The following CFAP47 variants were observed in gnomAD, a reference collection of about 807,000 sequenced individuals.
The protein encoded by CFAP47 is cilia- and flagella-associated protein 47.
Under a neutral mutation model 148.1 loss-of-function variants are expected in CFAP47, and 29 were observed. The ratio of observed to expected loss-of-function variants is 0.20; its 90% CI spans 0.15 to 0.27. The LOEUF is 0.27. Ranked by LOEUF, CFAP47 falls within the 10% of genes least tolerant of loss-of-function variation. The pLI is 1.00. For synonymous variants in CFAP47, 664 were observed against 577.3 expected (o/e 1.15, Z -2.15); for missense variants, 1,872 against 1,697.5 (o/e 1.10, Z -1.81).
intron 6 of CFAP47, 73 bp from the exon 7 acceptor site, chrX:35,953,519 G>C: frequency 1.3e-6 from 1 of 772,107 alleles, no homozygotes; most frequent in Non-Finnish European, 1.8e-6. Flanking sequence ...AGATTGGATT[G>C]ATATTTCCTC....
chrX:35,971,117 T>C, intron 11 of CFAP47, among the ~76,000 whole-genome samples, 194 bp downstream of exon 11: 1 of 112,319 alleles, frequency 8.9e-6, no homozygotes, highest in Non-Finnish European at 1.9e-5. Context: ...TTGTCTTAGA[T>C]GGGTTTCCCC....
rs6632464 is a variant in CFAP47 at position 36,039,144 on chromosome X, A to G, written c.3972A>G (p.Val1324=). 101,063 of 1,082,278 alleles carry G rather than the reference A, an allele frequency of 0.093. 5,785 individuals carry two copies. Among genetic ancestry groups the G allele is most frequent in the African/African-American group, 0.32 (17,148 of 52,891 alleles). The allele number at this position is 1,082,278 out of a possible 1,213,427, so 89.2% of individuals were successfully genotyped here. ...FTPVPLDITT[V]MDINILPQNY... is the part of the protein sequence containing the mutation. ...CTGTTCCTTTGGATATAACAACTGT[A>G]ATGGATATCAACATTTTACCTCAAA... The change falls in exon 25 of 64, where the codon GTA becomes GTG. Residue 1324 remains valine (V), a synonymous_variant. Coordinates refer to ENST00000378653, the MANE Select transcript of CFAP47 (RefSeq NM_001304548.2).
At chrX:36,202,967 A>C (rs1602044980) in intron 44 of CFAP47, among the ~76,000 whole-genome samples, 1 of 111,280 alleles carries the variant, frequency 9.0e-6, no homozygotes, top group Non-Finnish European at 1.9e-5. Context: ...TTTCTTTCTT[A>C]AGATTTATCT....
chrX:36,091,482 G>T (rs955017411), intron 30 of CFAP47, among the ~76,000 whole-genome samples: 1 of 111,607 alleles, frequency 9.0e-6, no homozygotes, highest in Non-Finnish European at 1.9e-5. Flanking sequence ...TAGGCTGTCG[G>T]TTGGCTAATC....
At chrX:36,060,783 C>T (rs1937587617) in intron 26 of CFAP47, among the ~76,000 whole-genome samples, 1 of 111,318 alleles carries the variant, frequency 9.0e-6, no homozygotes, top group South Asian at 3.8e-4. Flanking sequence ...TTATAAATAA[C>T]AATTTCTTGA....
intron 3 of CFAP47, among the ~76,000 whole-genome samples, chrX:35,947,849 C>G (rs181052319): frequency 1.8e-5 from 2 of 111,650 alleles, no homozygotes; most frequent in East Asian, 5.7e-4. Context: ...ATGCAGAGCT[C>G]TTAACATAAG....
At chrX:35,957,989 C>T (rs1442105981) in intron 8 of CFAP47, among the ~76,000 whole-genome samples, 2 of 111,611 alleles carry the variant, frequency 1.8e-5, no homozygotes, top group Non-Finnish European at 3.8e-5. Flanking sequence ...AATTCCACAA[C>T]GTTCTCTTCA....
intron 33 of CFAP47, among the ~76,000 whole-genome samples, chrX:36,119,747 T>C (rs1258374521): frequency 2.7e-5 from 3 of 111,614 alleles, no homozygotes; most frequent in Non-Finnish European, 5.6e-5. Context: ...TTGTTATTGG[T>C]CTATTTAAGT....
chrX:36,194,430 C>T (rs1271831584), intron 42 of CFAP47, among the ~76,000 whole-genome samples: 2 of 111,672 alleles, frequency 1.8e-5, no homozygotes, highest in Non-Finnish European at 3.8e-5. Flanking sequence ...AAGTCCCTTC[C>T]ACATTTTCAG....
At chrX:36,261,127 T>C (rs1461009149) in intron 49 of CFAP47, among the ~76,000 whole-genome samples, 19 of 105,264 alleles carry the variant, frequency 1.8e-4, no homozygotes, top group Non-Finnish European at 3.9e-5. Context: ...ATAGTTTCTT[T>C]TTTTTTTTTT....
At chrX:35,953,749 T>G (rs1936202637) in intron 7 of CFAP47, 30 bp downstream of exon 7, 1 of 1,103,810 alleles carries the variant, frequency 9.1e-7, no homozygotes, top group African/African-American at 1.8e-5. Flanking sequence ...AATTATCAAA[T>G]CCGTAGCCAT....
At chrX:36,286,469 G>C (rs1201614049) in intron 51 of CFAP47, among the ~76,000 whole-genome samples, 4 of 109,498 alleles carry the variant, frequency 3.7e-5, no homozygotes, top group Non-Finnish European at 5.7e-5. Context: ...TTTACAAATT[G>C]ATTATTTGCC....
In CFAP47 at chrX:36,258,050, G is replaced by A. The variant is rs782779092; in HGVS notation, c.7444+6606G>A. Among the ~76,000 whole-genome samples the A allele has an allele frequency of 1.3e-4, 14 of 111,690 alleles. No homozygotes were observed. The South Asian group carries it at 4.5e-3, about 36-fold the overall frequency. ...AGCTTGTATTTTGTTTAATAGCACC[G>A]AAAAGTGCTTTCTTACTTGCTGAAA... is the stretch of plus-strand genomic sequence containing the variant. On this transcript the variant is annotated intron_variant, in intron 49 of 63. Coordinates refer to ENST00000378653, the MANE Select transcript of CFAP47 (RefSeq NM_001304548.2).
In CFAP47 at chrX:35,951,317, T is replaced by C. The variant is rs768787106; in HGVS notation, c.843T>C (p.Asn281=). Residue 281 remains asparagine (N), a synonymous_variant, in exon 5 of 64, where the codon AAT becomes AAC. Coordinates refer to ENST00000378653, the MANE Select transcript of CFAP47 (RefSeq NM_001304548.2). ...RVYNNSPEPI[N]WVAIIQDDAV... ...ACAATAATAGCCCAGAGCCCATAAA[T>C]TGGGTGGCCATCATACAAGATGATG... The C allele has an allele frequency of 2.5e-5, 30 of 1,206,754 alleles. No homozygotes were observed. The African/African-American group carries it at 3.7e-4, about 15-fold the overall frequency.
chrX:36,331,866 A>G (rs1348242188), intron 57 of CFAP47, among the ~76,000 whole-genome samples: 3 of 111,876 alleles, frequency 2.7e-5, no homozygotes, highest in African/African-American at 9.7e-5. Flanking sequence ...TTCTGTAACA[A>G]AAAATAAATT....
At chrX:35,969,737 T>A (rs1936460851) in intron 10 of CFAP47, among the ~76,000 whole-genome samples, 1 of 111,705 alleles carries the variant, frequency 9.0e-6, no homozygotes, top group Non-Finnish European at 1.9e-5. Context: ...AATTTAAATA[T>A]CAAAAATCGT....
chrX:36,219,007 T>A (rs1346374951), intron 45 of CFAP47, among the ~76,000 whole-genome samples: 1 of 111,334 alleles, frequency 9.0e-6, no homozygotes, highest in Admixed American at 9.6e-5. Context: ...AGATGAAGCC[T>A]CCGGATAGCA....
intron 40 of CFAP47, among the ~76,000 whole-genome samples, chrX:36,184,884 G>T (rs1363979990): frequency 9.2e-6 from 1 of 108,815 alleles, no homozygotes; most frequent in Non-Finnish European, 1.9e-5. Flanking sequence ...AGTGGGCCAC[G>T]ATTGTGCCAT....
At chrX:36,026,824 G>T (rs1194153041) in intron 22 of CFAP47, among the ~76,000 whole-genome samples, 1 of 109,835 alleles carries the variant, frequency 9.1e-6, no homozygotes, top group Non-Finnish European at 1.9e-5. Flanking sequence ...GAATTTTCAT[G>T]TCTGAAAGTA....
Sources: gnomAD v4.1 joint callset for allele counts (sites outside exome capture counted in the v4.1 genomes callset) on GRCh38, gnomAD v4.1.1 for gene constraint, MANE v1.5 for transcripts, NCBI Gene and HGNC (gene_info 2026-07-23, HGNC 2026-07-21) for gene names.